The following SYT16 variants were observed in gnomAD, a reference collection of about 807,000 sequenced individuals.
SYT16 encodes the protein synaptotagmin-16.
In SYT16, 42 loss-of-function variants were observed where a neutral mutation model predicts 61.4. The observed-to-expected ratio is 0.68, with a 90% CI of 0.53 to 0.89. The LOEUF (loss-of-function observed/expected upper bound fraction) is 0.89. Ranked by LOEUF, SYT16 falls within the 40% of genes least tolerant of loss-of-function variation. The pLI, the probability that SYT16 is intolerant of heterozygous loss-of-function variation, is 0.00. For synonymous variants in SYT16, 314 were observed against 302.3 expected (o/e 1.04, Z -0.40); for missense variants, 804 against 807.3 (o/e 1.00, Z 0.05).
At chr14:61,839,859 T>C (rs1301231260) in intron 1 of SYT16, among the ~76,000 whole-genome samples, 1 of 148,046 alleles carries the variant, frequency 6.8e-6, no homozygotes, top group Non-Finnish European at 1.5e-5. Context: ...TGATGAAGAA[T>C]GTCATTAATC....
At chr14:61,963,250 A>G (rs899183620) in intron 1 of SYT16, among the ~76,000 whole-genome samples, 2 of 152,182 alleles carry the variant, frequency 1.3e-5, no homozygotes, top group Non-Finnish European at 2.9e-5. Flanking sequence ...ATTATACTTC[A>G]TGAGCAAGAC....
intron 3 of SYT16, among the ~76,000 whole-genome samples, chr14:62,035,402 A>G (rs921162993): frequency 2.6e-5 from 4 of 152,196 alleles, no homozygotes; most frequent in African/African-American, 9.6e-5. Flanking sequence ...CCATTTTATA[A>G]TAGCTCTTAA....
Position 62,080,909 on chromosome 14 carries a change from A to G in SYT16, c.1069A>G (p.Ile357Val), listed in dbSNP as rs754788290. 6.2e-6 allele frequency: 10 copies of G among 1,606,030 alleles called. No homozygotes were observed. Among genetic ancestry groups the G allele is most frequent in the Non-Finnish European group, 8.5e-6 (10 of 1,176,136 alleles). The change falls in exon 6 of 8, where the codon ATC (isoleucine) becomes GTC (valine). Residue 357 changes from isoleucine to valine, a missense_variant. By Grantham distance (29) the Ile-to-Val change is conservative (BLOSUM62 3). Transcript: ENST00000683842. ...PISKCGDLDV[I>V]FEYRAASQKL... The stretch of plus-strand genomic sequence containing the variant: ...CTCAAAGTGTGGTGACCTAGATGTC[A>G]TCTTTGAATATAGAGCCGCCAGCCA...
chr14:61,906,721 C>G (rs1156493830), intron 1 of SYT16, among the ~76,000 whole-genome samples: 1 of 113,418 alleles, frequency 8.8e-6, no homozygotes, highest in Non-Finnish European at 1.9e-5. Flanking sequence ...TTCCATCCAT[C>G]CATCCATCCA....
At chr14:61,925,648 T>G (rs910020225) in intron 1 of SYT16, among the ~76,000 whole-genome samples, 2 of 152,196 alleles carry the variant, frequency 1.3e-5, no homozygotes, top group Non-Finnish European at 2.9e-5. Flanking sequence ...TTATGAAAAT[T>G]TCCTGGTTAG....
rs370860461 is a variant in SYT16, at chr14:62,027,048, G to A, written c.523+30506G>A. Among the ~76,000 whole-genome samples the A allele has an allele frequency of 2.4e-4, 36 of 152,110 alleles. 1 individual carries two copies. Among genetic ancestry groups the A allele is most frequent in the East Asian group, 5.8e-4 (3 of 5,176 alleles). On this transcript the variant is annotated intron_variant, in intron 3 of 7. Transcript: ENST00000683842. ...TTTATGATGCTGATGTCTTCATTGC[G>A]AATTTTGTCTTTTATCCTTTGTAAA...
chr14:61,985,993 C>A (rs531541140), intron 2 of SYT16, among the ~76,000 whole-genome samples: 1 of 152,140 alleles, frequency 6.6e-6, no homozygotes, highest in Non-Finnish European at 1.5e-5. Flanking sequence ...TCAGAGAACA[C>A]TGACAACTTA....
chr14:62,019,983 T>A (rs1007429668), intron 3 of SYT16, among the ~76,000 whole-genome samples: 2 of 152,142 alleles, frequency 1.3e-5, no homozygotes, highest in East Asian at 1.9e-4. Flanking sequence ...TGTTCTTTTT[T>A]AAATTTTTAA....
Position 61,978,567 on chromosome 14 carries a change from A to G in SYT16, c.-145+8256A>G, listed in dbSNP as rs917702781. Among the ~76,000 whole-genome samples, 8 of 152,340 alleles carry G rather than the reference A, an allele frequency of 5.3e-5. No individual in the cohort carries two copies. In the East Asian group the frequency reaches 1.5e-3, roughly 29 times the overall value. ...ATCACAACAGGGAGTGGCAGGGCAA[A>G]CTTACAGCTTTAAAAAGAATGCCAG... On this transcript the variant is annotated intron_variant, in intron 2 of 7. Transcript: ENST00000683842.
chr14:61,821,707 G>A (rs1413392031), intron 1 of SYT16, among the ~76,000 whole-genome samples: 1 of 152,154 alleles, frequency 6.6e-6, no homozygotes, highest in East Asian at 1.9e-4. Context: ...CATCACCTTT[G>A]CTGTATTCTC....
At chr14:62,043,324 G>C (rs560693471) in intron 3 of SYT16, among the ~76,000 whole-genome samples, 13 of 151,688 alleles carry the variant, frequency 8.6e-5, no homozygotes, top group Middle Eastern at 6.8e-3. Context: ...TTCTGTCTCA[G>C]GTTGAGAAAG....
At chr14:61,942,936 T>A (rs566559253) in intron 1 of SYT16, among the ~76,000 whole-genome samples, 1 of 151,952 alleles carries the variant, frequency 6.6e-6, no homozygotes, top group East Asian at 1.9e-4. Context: ...AATCAATGAA[T>A]CCAGGAGCTG....
At chr14:62,006,363 G>A (rs1478755024) in intron 3 of SYT16, among the ~76,000 whole-genome samples, 3 of 151,992 alleles carry the variant, frequency 2.0e-5, no homozygotes, top group Middle Eastern at 3.2e-3. Flanking sequence ...CATTTTAATC[G>A]GTGATTTATG....
intron 1 of SYT16, among the ~76,000 whole-genome samples, chr14:61,833,074 A>C (rs2140237944): frequency 6.6e-6 from 1 of 152,206 alleles, no homozygotes; most frequent in African/African-American, 2.4e-5. Context: ...ATAAGCTTTG[A>C]GCTGTAAAAT....
At chr14:61,956,982 C>T (rs188330410) in intron 1 of SYT16, among the ~76,000 whole-genome samples, 1 of 151,742 alleles carries the variant, frequency 6.6e-6, no homozygotes, top group East Asian at 1.9e-4. Context: ...TTTAAAATTT[C>T]TTTCATCAAT....
At chr14:61,853,756 TG>T (rs748887762) in intron 1 of SYT16, among the ~76,000 whole-genome samples, 1 of 152,084 alleles carries the variant, frequency 6.6e-6, no homozygotes, top group East Asian at 1.9e-4. Context: ...TGGGAAAATT[TG>T]GGGATAGGAA....
intron 1 of SYT16, among the ~76,000 whole-genome samples, chr14:61,829,389 TTCTTTGGGTTTC>T (rs1399716998): frequency 6.6e-6 from 1 of 152,196 alleles, no homozygotes; most frequent in African/African-American, 2.4e-5. Flanking sequence ...GGGTATGGAT[TTCTTTGGGTTTC>T]TCCTGTTTAA....
At chr14:62,061,877 T>C (rs376017487) in intron 3 of SYT16, among the ~76,000 whole-genome samples, 2 of 152,186 alleles carry the variant, frequency 1.3e-5, no homozygotes, top group African/African-American at 4.8e-5. Flanking sequence ...TGTTCCCTTC[T>C]TTCAGAAATT....
chr14:62,092,954 A>G (rs571358206), intron 7 of SYT16, among the ~76,000 whole-genome samples: 6 of 152,202 alleles, frequency 3.9e-5, no homozygotes, highest in African/African-American at 1.2e-4. Context: ...ATATTGCAAA[A>G]CCAGGTTATG....
Sources: allele counts gnomAD v4.1 joint callset (sites outside exome capture counted in the v4.1 genomes callset), GRCh38; gene constraint gnomAD v4.1.1; transcripts MANE v1.5; gene names NCBI Gene and HGNC (gene_info 2026-07-23, HGNC 2026-07-21).